The following ARID5B variants were observed in gnomAD, a reference collection of about 807,000 sequenced individuals.
ARID5B encodes AT-rich interactive domain-containing protein 5B.
In ARID5B, 13 loss-of-function variants were observed where a neutral mutation model predicts 97.2. That is an observed-to-expected ratio of 0.13 (90% CI 0.09 to 0.21). ARID5B has a LOEUF of 0.21. ARID5B is among the 10% of genes least tolerant of loss of function. The pLI is 1.00. For missense variants in ARID5B, 1,210 were observed against 1,465.3 expected (o/e 0.83, Z 2.84); for synonymous variants, 556 against 570.3 (o/e 0.97, Z 0.36).
At chr10:62,037,756 C>T (rs1481652206) in intron 4 of ARID5B, among the ~76,000 whole-genome samples, 1 of 152,060 alleles carries the variant, frequency 6.6e-6, no homozygotes, top group African/African-American at 2.4e-5. Flanking sequence ...CACAATAGTA[C>T]AAAGAAGAAC....
Position 61,902,315 on chromosome 10 carries a change from T to C in ARID5B, c.178T>C (p.Leu60=), listed in dbSNP as rs1212059529. The part of the protein sequence containing the change: ...DPICIAELQL[L]WEERTSRQLL... Reference sequence around the variant, plus strand: ...GATTTGCATAGCGGAGCTCCAGCTGTTGTGGGAAGAGAGGACCAGCCGGCA... The same window carrying C: ...GATTTGCATAGCGGAGCTCCAGCTGCTGTGGGAAGAGAGGACCAGCCGGCA... Residue 60 remains leucine (L), a synonymous_variant, in exon 2 of 10, where the codon TTG becomes CTG. Coordinates refer to ENST00000279873, the MANE Select transcript of ARID5B (RefSeq NM_032199.3). 1.2e-6 allele frequency: 2 copies of C among 1,614,162 alleles called. No individual in the cohort carries two copies. The highest frequency in any genetic ancestry group is 4.5e-5 in the East Asian group (2 of 44,884).
intron 2 of ARID5B, among the ~76,000 whole-genome samples, chr10:61,909,176 G>A (rs1287138397): frequency 6.6e-6 from 1 of 152,040 alleles, no homozygotes; most frequent in Non-Finnish European, 1.5e-5. Flanking sequence ...TTTATACCTT[G>A]TGCCTTATAG....
intron 3 of ARID5B, among the ~76,000 whole-genome samples, chr10:61,953,947 TATTTA>T (rs1238160554): frequency 6.6e-6 from 1 of 152,262 alleles, no homozygotes; most frequent in African/African-American, 2.4e-5. Context: ...TATTTCATTT[TATTTA>T]ATTCACAAAC....
At chr10:61,909,014 G>A (rs1298123822) in intron 2 of ARID5B, among the ~76,000 whole-genome samples, 2 of 151,986 alleles carry the variant, frequency 1.3e-5, no homozygotes, top group Non-Finnish European at 2.9e-5. Context: ...CTTCATCTTT[G>A]AATTATTACT....
intron 7 of ARID5B, among the ~76,000 whole-genome samples, chr10:62,068,723 G>A (rs891616831): frequency 2.6e-5 from 4 of 151,906 alleles, no homozygotes; most frequent in Non-Finnish European, 5.9e-5. Flanking sequence ...TGTTCACGAG[G>A]GCCGCAGAAC....
chr10:61,904,244 G>A (rs950325995), intron 2 of ARID5B, among the ~76,000 whole-genome samples: 13 of 152,074 alleles, frequency 8.5e-5, no homozygotes, highest in Admixed American at 2.6e-4. Flanking sequence ...ATTATTCAGT[G>A]TTTTATGGGA....
chr10:61,992,586 T>A (rs1838940919), intron 3 of ARID5B, among the ~76,000 whole-genome samples: 1 of 152,214 alleles, frequency 6.6e-6, no homozygotes, highest in South Asian at 2.1e-4. Flanking sequence ...CATGTACTGA[T>A]ATATTTTTCC....
chr10:62,029,417 A>G (rs1053528656), intron 4 of ARID5B, among the ~76,000 whole-genome samples: 5 of 152,234 alleles, frequency 3.3e-5, no homozygotes, highest in African/African-American at 1.2e-4. Context: ...AGTTAATTGC[A>G]TAGAGAAGAC....
In ARID5B at chr10:62,091,013, A is replaced by G. The variant is rs1454640587; in HGVS notation, c.1550A>G (p.Asp517Gly). ...GCATCCAGAGTAGACCCAGAGAAGG[A>G]CAACGAAACAGACCAAGGTTCCAAC... ...PLASRVDPEKDNETDQGSNSE... is the reference protein window; with the variant it reads ...PLASRVDPEKGNETDQGSNSE... The change falls in exon 10 of 10, where the codon GAC (aspartate) becomes GGC (glycine). Residue 517 changes from aspartate (D) to glycine (G), a missense_variant. By Grantham distance (94) the Asp-to-Gly change is moderately conservative. Coordinates refer to ENST00000279873, the MANE Select transcript of ARID5B (RefSeq NM_032199.3). 6.2e-7 allele frequency: 1 copy of G among 1,614,036 alleles called. No individual in the cohort carries two copies. Among genetic ancestry groups the G allele is most frequent in the African/African-American group, 1.3e-5 (1 of 74,912 alleles).
chr10:61,904,695 A>C (rs890798584), intron 2 of ARID5B, among the ~76,000 whole-genome samples: 3 of 152,262 alleles, frequency 2.0e-5, no homozygotes, highest in African/African-American at 7.2e-5. Flanking sequence ...AATTAGCTGT[A>C]TGATTATACT....
chr10:61,949,350 A>G (rs1838290672), intron 3 of ARID5B, among the ~76,000 whole-genome samples: 1 of 152,180 alleles, frequency 6.6e-6, no homozygotes, highest in Non-Finnish European at 1.5e-5. Context: ...AAAGACCATG[A>G]TGGAGGCTGG....
rs1341295904 is a variant in ARID5B, at chr10:62,093,554, T to A, written c.*524T>A. 1 of 233,856 alleles carries A rather than the reference T, an allele frequency of 4.3e-6. No homozygotes were observed. The highest frequency in any genetic ancestry group is 5.6e-5 in the Admixed American group (1 of 17,762). The allele number at this position is 233,856 out of a possible 1,614,324, so 14.5% of individuals were successfully genotyped here. On this transcript the variant is annotated 3_prime_UTR_variant, in exon 10 of 10. Coordinates refer to ENST00000279873, the MANE Select transcript of ARID5B (RefSeq NM_032199.3). ...ATCCAGAGAAGTAAACACTGTTAAA[T>A]TGACTGTATATATTTGCTTCTTAAA...
chr10:61,979,966 G>T (rs572713898), intron 3 of ARID5B, among the ~76,000 whole-genome samples: 49 of 152,208 alleles, frequency 3.2e-4, no homozygotes, highest in African/African-American at 1.1e-3. Flanking sequence ...GGTGGCACAT[G>T]CCTGTAATCC....
chr10:62,006,218 G>C (rs954392965), intron 4 of ARID5B, among the ~76,000 whole-genome samples: 2 of 152,122 alleles, frequency 1.3e-5, no homozygotes, highest in Non-Finnish European at 2.9e-5. Context: ...GAGGCAGGTG[G>C]ATCACCAGAG....
chr10:61,955,180 G>T (rs1166429661), intron 3 of ARID5B, among the ~76,000 whole-genome samples: 1 of 152,098 alleles, frequency 6.6e-6, no homozygotes, highest in Non-Finnish European at 1.5e-5. Flanking sequence ...TTTATATACT[G>T]TTCAGTGTGG....
In ARID5B at chr10:61,947,261, CTTTTTTTTTTTTT is replaced by C. The variant is rs199587188; in HGVS notation, c.502+6866_502+6878del. Among the ~76,000 whole-genome samples, 642 of 124,284 alleles carry C rather than the reference CTTTTTTTTTTTTT, an allele frequency of 5.2e-3. 4 individuals carry two copies. The highest frequency in any genetic ancestry group is 8.1e-3 in the Non-Finnish European group (484 of 59,496). The allele number at this position is 124,284 out of a possible 152,430, so 81.5% of individuals were successfully genotyped here. ...ACCAGTATATCTTCTCACTTACTTT[CTTTTTTTTTTTTT>C]TTTTTTTTTTTTGAGACAGGGTCTC... On this transcript the variant is annotated intron_variant, in intron 3 of 9. Coordinates refer to ENST00000279873, the MANE Select transcript of ARID5B (RefSeq NM_032199.3).
chr10:62,071,730 A>C (rs1589284939), intron 8 of ARID5B, among the ~76,000 whole-genome samples: 1 of 152,120 alleles, frequency 6.6e-6, no homozygotes, highest in African/African-American at 2.4e-5. Flanking sequence ...CACATTAGAA[A>C]ATTTTAGTAG....
rs1589298212 is a variant in ARID5B, at chr10:62,096,601, T to A, written c.*3571T>A. 2 of 233,508 alleles carry A rather than the reference T, an allele frequency of 8.6e-6. No individual in the cohort carries two copies. The highest frequency in any genetic ancestry group is 1.7e-5 in the Non-Finnish European group (2 of 118,020). 14.5% of individuals were successfully genotyped at this position (233,508 alleles called of 1,614,324 possible). A position where few individuals can be genotyped will look rare whatever the true frequency, so the allele number is the denominator to read the frequency against. On this transcript the variant is annotated 3_prime_UTR_variant, in exon 10 of 10. Transcript: ENST00000279873. Reference sequence around the variant, plus strand: ...AATCTCTTGGCTGTTTATACTTTTTTAAACTTTCCTGTGTTGTAAATATTG... The same window carrying A: ...AATCTCTTGGCTGTTTATACTTTTTAAAACTTTCCTGTGTTGTAAATATTG...
At chr10:62,079,082 G>T (rs1207500522) in intron 8 of ARID5B, among the ~76,000 whole-genome samples, 1 of 152,202 alleles carries the variant, frequency 6.6e-6, no homozygotes, top group African/African-American at 2.4e-5. Flanking sequence ...TCTGAGAAAA[G>T]GAGAATGCTC....
Sources: gnomAD v4.1 joint callset for allele counts (sites outside exome capture counted in the v4.1 genomes callset) on GRCh38, gnomAD v4.1.1 for gene constraint, MANE v1.5 for transcripts, NCBI Gene and HGNC (gene_info 2026-07-23, HGNC 2026-07-21) for gene names.